The following DIS3L2 variants were observed in gnomAD, a reference collection of about 807,000 sequenced individuals.
DIS3L2 encodes the protein DIS3 like 3'-5' exoribonuclease 2, also known as DIS3-like exonuclease 2.
In DIS3L2, 34 loss-of-function variants were observed where a neutral mutation model predicts 97.5. The ratio of observed to expected loss-of-function variants is 0.35; its 90% CI spans 0.27 to 0.46. The LOEUF (loss-of-function observed/expected upper bound fraction) is 0.46. Ranked by LOEUF, DIS3L2 falls within the 20% of genes least tolerant of loss-of-function variation. The probability of loss-of-function intolerance (pLI) is 1.00; values close to 1 mark genes in which losing one functional copy is unlikely to be tolerated. For missense variants in DIS3L2, 1,038 were observed against 1,146.0 expected, an observed-to-expected ratio of 0.91 and a Z score of 1.36; for synonymous variants, 435 against 445.2, an observed-to-expected ratio of 0.98 and a Z score of 0.29.
intron 10 of DIS3L2, among the ~76,000 whole-genome samples, chr2:232,230,159 G>A (rs1430265208): frequency 1.3e-5 from 2 of 152,184 alleles, no homozygotes; most frequent in East Asian, 1.9e-4. Flanking sequence ...AGATGCCAGC[G>A]TTTGAGTTGT....
At chr2:232,073,271 T>C (rs976453999) in intron 5 of DIS3L2, among the ~76,000 whole-genome samples, 3 of 152,130 alleles carry the variant, frequency 2.0e-5, no homozygotes, top group South Asian at 2.1e-4. Context: ...AGCCAAGAAA[T>C]GAAAAGCAGC....
At chr2:232,120,110 G>A (rs1326782289) in intron 6 of DIS3L2, among the ~76,000 whole-genome samples, 1 of 152,072 alleles carries the variant, frequency 6.6e-6, no homozygotes, top group Admixed American at 6.5e-5. Context: ...CATATCCCTG[G>A]CTTGGGCAGA....
intron 14 of DIS3L2, among the ~76,000 whole-genome samples, chr2:232,303,913 A>G (rs1441248078): frequency 6.6e-6 from 1 of 152,144 alleles, no homozygotes; most frequent in African/African-American, 2.4e-5. Context: ...GGACTTGTCC[A>G]TTTCTCATGG....
At chr2:232,035,726 T>A (rs899339771) in intron 5 of DIS3L2, among the ~76,000 whole-genome samples, 12 of 152,232 alleles carry the variant, frequency 7.9e-5, no homozygotes, top group African/African-American at 2.9e-4. Flanking sequence ...GATTTGCATG[T>A]CTGTAAAGGA....
At chr2:232,007,978 ATTTAC>A (rs1176633743) in intron 1 of DIS3L2, among the ~76,000 whole-genome samples, 3 of 151,882 alleles carry the variant, frequency 2.0e-5, no homozygotes, top group African/African-American at 7.3e-5. Context: ...AATTCTATTT[ATTTAC>A]TTGTTATATG....
chr2:232,309,925 TTTAA>T, intron 14 of DIS3L2, among the ~76,000 whole-genome samples: 1 of 152,298 alleles, frequency 6.6e-6, no homozygotes, highest in East Asian at 1.9e-4. Flanking sequence ...TGAAGTCCTG[TTTAA>T]TTAGCTTCCC....
intron 1 of DIS3L2, among the ~76,000 whole-genome samples, chr2:231,987,322 A>G (rs1403614971): frequency 6.6e-6 from 1 of 152,236 alleles, no homozygotes; most frequent in Non-Finnish European, 1.5e-5. Flanking sequence ...TAACGTCACT[A>G]CCATCTGAAG....
chr2:232,272,269 T>C (rs917743426), intron 13 of DIS3L2, among the ~76,000 whole-genome samples: 2 of 152,226 alleles, frequency 1.3e-5, no homozygotes, highest in Non-Finnish European at 1.5e-5. Flanking sequence ...TTACAAATAC[T>C]GCTCACAGTT....
chr2:231,969,333 T>TG (rs1270207755), intron 1 of DIS3L2, among the ~76,000 whole-genome samples: 1 of 149,578 alleles, frequency 6.7e-6, no homozygotes, highest in Non-Finnish European at 1.5e-5. Context: ...TTTTTTGAGT[T>TG]GGAGTCTCGT....
At chr2:232,227,415 C>T (rs1315034498) in intron 10 of DIS3L2, among the ~76,000 whole-genome samples, 1 of 152,070 alleles carries the variant, frequency 6.6e-6, no homozygotes, top group Non-Finnish European at 1.5e-5. Context: ...GAAAGAGATG[C>T]GTCTCATAGC....
At chr2:232,175,582 T>C (rs1691127078) in intron 9 of DIS3L2, among the ~76,000 whole-genome samples, 1 of 152,080 alleles carries the variant, frequency 6.6e-6, no homozygotes, top group Admixed American at 6.5e-5. Flanking sequence ...TTCTTCTAGC[T>C]TTTATTTTAG....
intron 14 of DIS3L2, among the ~76,000 whole-genome samples, chr2:232,310,136 G>A (rs1417872904): frequency 6.6e-6 from 1 of 152,210 alleles, no homozygotes; most frequent in Non-Finnish European, 1.5e-5. Flanking sequence ...TGCAGAGGGC[G>A]AGAGCCTCCA....
intron 10 of DIS3L2, among the ~76,000 whole-genome samples, chr2:232,211,021 T>C (rs558487938): frequency 4.9e-4 from 74 of 152,162 alleles, no homozygotes; most frequent in African/African-American, 1.5e-3. Context: ...TAGTTGTCTT[T>C]GGAAATTATA....
chr2:232,286,556 A>G (rs983541089), intron 13 of DIS3L2, among the ~76,000 whole-genome samples: 6 of 152,204 alleles, frequency 3.9e-5, no homozygotes, highest in African/African-American at 1.4e-4. Flanking sequence ...CATGTTTTGA[A>G]TTCTGATCTC....
At chr2:232,057,739 A>G (rs912273748) in intron 5 of DIS3L2, among the ~76,000 whole-genome samples, 3 of 152,150 alleles carry the variant, frequency 2.0e-5, no homozygotes, top group Non-Finnish European at 4.4e-5. Context: ...CTCGACCCAC[A>G]GAAGTTGTAA....
chr2:232,252,638 C>T (rs1401131402), intron 12 of DIS3L2, among the ~76,000 whole-genome samples: 5 of 152,188 alleles, frequency 3.3e-5, no homozygotes, highest in South Asian at 2.1e-4. Context: ...CAGTGGCTCA[C>T]GCCTGTAGTC....
rs116207230 is a variant in DIS3L2, at chr2:232,079,083, G to A, written c.367-8404G>A. ...ATGGGCACTTCATGGAGTTTATCAG[G>A]GAAGATAGACTCTGAACAAATCATT... is the stretch of plus-strand genomic sequence containing the variant. On this transcript the variant is annotated intron_variant, in intron 5 of 20. Transcript: ENST00000325385. 5.4e-3 allele frequency among the ~76,000 whole-genome samples: 827 copies of A among 152,242 alleles called. 13 individuals carry two copies. Among genetic ancestry groups the A allele is most frequent in the African/African-American group, 0.019 (786 of 41,540 alleles).
chr2:232,042,582 C>A (rs3100612), intron 5 of DIS3L2, among the ~76,000 whole-genome samples: 67,405 of 151,962 alleles, frequency 0.44, 17,830 homozygotes, highest in Non-Finnish European at 0.6. Context: ...TTGTTATATA[C>A]ACAGCCTATT....
intron 6 of DIS3L2, among the ~76,000 whole-genome samples, chr2:232,093,029 C>A (rs1197941703): frequency 2.0e-5 from 3 of 152,138 alleles, no homozygotes; most frequent in African/African-American, 7.2e-5. Context: ...GTGGGTCTGT[C>A]CTATGCAGCT....
Sources: gnomAD v4.1 joint callset for allele counts (sites outside exome capture counted in the v4.1 genomes callset) on GRCh38, gnomAD v4.1.1 for gene constraint, MANE v1.5 for transcripts, NCBI Gene and HGNC (gene_info 2026-07-23, HGNC 2026-07-21) for gene names.